SLC45A1: variants seen among roughly 807,000 people sequenced by gnomAD.
SLC45A1 encodes the protein solute carrier family 45 member 1, also known as proton-associated sugar transporter A.
A neutral mutation model predicts 57.6 loss-of-function variants in SLC45A1; 28 were observed. The observed-to-expected ratio is 0.49, with a 90% CI of 0.36 to 0.67. The LOEUF (loss-of-function observed/expected upper bound fraction) is 0.67. Ranked by LOEUF, SLC45A1 falls within the 30% of genes least tolerant of loss-of-function variation. The probability of loss-of-function intolerance (pLI) is 0.00; values close to 1 mark genes in which losing one functional copy is unlikely to be tolerated. For missense variants in SLC45A1, 814 were observed against 1,041.5 expected (o/e 0.78, Z 3.01); for synonymous variants, 459 against 471.5 (o/e 0.97, Z 0.34).
In SLC45A1 at chr1:8,330,789, G is replaced by A; in HGVS notation, c.1296G>A (p.Gly432=). The change falls in exon 5 of 9, where the codon GGG becomes GGA. Residue 432 remains glycine, a synonymous_variant. Transcript: ENST00000471889. This position sits in a 1 kb window ranked among gnomAD's most constrained non-coding sequence, Gnocchi z 8.4. ...REGALTSGCD[G]DILRVGSLDT... ...GTGCCCTGACCTCCGGCTGTGACGG[G>A]GACATTCTGAGGGTGGGCTCCTTGG... is the stretch of plus-strand genomic sequence containing the variant. 6.2e-7 allele frequency: 1 copy of A among 1,613,462 alleles called. No homozygotes were observed. The highest frequency in any genetic ancestry group is 1.6e-4 in the Middle Eastern group (1 of 6,062).
At position 8,335,559 on chromosome 1, in the gene SLC45A1, G is replaced by T. The variant is rs773431596; in HGVS notation, c.1566G>T (p.Ala522=). 3 of 1,606,276 alleles carry T rather than the reference G, an allele frequency of 1.9e-6. No individual in the cohort carries two copies. The highest frequency in any genetic ancestry group is 1.1e-5 in the South Asian group (1 of 90,954). The change falls in exon 6 of 9, where the codon GCG becomes GCT. Residue 522 remains alanine (A), a synonymous_variant. Coordinates refer to ENST00000471889, the MANE Select transcript of SLC45A1 (RefSeq NM_001080397.3). This position sits in a 1 kb window ranked among gnomAD's most constrained non-coding sequence, Gnocchi z 4.1. The stretch of plus-strand genomic sequence containing the variant: ...CCACCATCTGCAACATGCCCAAGGC[G>T]CTACGCACCCTCTGCGTCAACCACT... ...LCSTICNMPK[A]LRTLCVNHFL...
Position 8,325,181 on chromosome 1 carries a change from TTCTTTTGA to T in SLC45A1, c.398-115_398-108del. 1.5e-6 allele frequency: 1 copy of T among 674,676 alleles called. No homozygotes were observed. Among genetic ancestry groups the T allele is most frequent in the Non-Finnish European group, 2.7e-6 (1 of 376,108 alleles). The allele number at this position is 674,676 out of a possible 1,614,324, so 41.8% of individuals were successfully genotyped here. On this transcript the variant is annotated intron_variant, in intron 2 of 8. Coordinates refer to ENST00000471889, the MANE Select transcript of SLC45A1 (RefSeq NM_001080397.3). The surrounding 1 kb of genome is among the most constrained non-coding windows in gnomAD (Gnocchi z 6.3). ...TGTCACTGACTGTTTCATCATCTTA[TTCTTTTGA>T]TGCACTGGGGGTGTTTGAGAGCAGG...
intron 5 of SLC45A1, among the ~76,000 whole-genome samples, chr1:8,334,517 A>G (rs769754612): frequency 2.0e-5 from 3 of 152,188 alleles, no homozygotes; most frequent in African/African-American, 2.4e-5. Flanking sequence ...TCTGGGCAAC[A>G]TAGTGAGACC....
rs143356185 is a variant in SLC45A1 at position 8,325,946 on chromosome 1, G to C, written c.619G>C (p.Ala207Pro). 8.4e-5 allele frequency: 135 copies of C among 1,613,406 alleles called. 1 individual carries two copies. Among genetic ancestry groups the C allele is most frequent in the Non-Finnish European group, 1.1e-4 (129 of 1,180,036 alleles). ...VCGVVLMDFS[A>P]DSADNPSHAY... Reference sequence around the variant, plus strand: ...CGGTGTGGTGCTGATGGACTTTAGCGCCGACTCGGCGGACAACCCCAGCCA... The same window carrying C: ...CGGTGTGGTGCTGATGGACTTTAGCCCCGACTCGGCGGACAACCCCAGCCA... Residue 207 changes from alanine (A) to proline (P), a missense_variant, in exon 4 of 9, where the codon GCC becomes CCC. Transcript: ENST00000471889. The surrounding 1 kb of genome is among the most constrained non-coding windows in gnomAD (Gnocchi z 6.3).
At chr1:8,332,510 GA>G (rs1640446216) in intron 5 of SLC45A1, among the ~76,000 whole-genome samples, 1 of 149,706 alleles carries the variant, frequency 6.7e-6, no homozygotes, top group African/African-American at 2.5e-5. Flanking sequence ...TTCACGGGCT[GA>G]TTTTTTTTTT....
At chr1:8,319,116 A>C (rs1639913487) in intron 1 of SLC45A1, among the ~76,000 whole-genome samples, 1 of 152,290 alleles carries the variant, frequency 6.6e-6, no homozygotes, top group African/African-American at 2.4e-5. Flanking sequence ...CCCCATCTCT[A>C]CTAAAAATAC....
Position 8,343,824 on chromosome 1 carries a change from G to A in SLC45A1, c.2058G>A (p.Leu686=). ...CTCTGCTGAGCTGCCAGTACTTCCT[G>A]GCTCAGATTCTGGTCTCCCTGGTCC... The part of the protein sequence containing the change: ...DISLLSCQYF[L]AQILVSLVLG... Residue 686 remains leucine, a synonymous_variant, in exon 9 of 9, where the codon CTG becomes CTA. Coordinates refer to ENST00000471889, the MANE Select transcript of SLC45A1 (RefSeq NM_001080397.3). The surrounding 1 kb of genome is among the most constrained non-coding windows in gnomAD (Gnocchi z 7.7). 6.2e-7 allele frequency: 1 copy of A among 1,614,194 alleles called. No individual in the cohort carries two copies.
chr1:8,332,035 G>A (rs550744796), intron 5 of SLC45A1, among the ~76,000 whole-genome samples: 131 of 152,208 alleles, frequency 8.6e-4, no homozygotes, highest in African/African-American at 2.9e-3. Flanking sequence ...CTCGTGATCC[G>A]CCTGCCTCTG....
Position 8,327,215 on chromosome 1 carries a change from G to A in SLC45A1, c.715+1173G>A, listed in dbSNP as rs1640232007. The stretch of plus-strand genomic sequence containing the variant: ...CAAATACAGAATCTACAGATAATGA[G>A]GATTGAGTGTGTGTGCATGGACACA... On this transcript the variant is annotated intron_variant, in intron 4 of 8. Transcript: ENST00000471889. This position sits in a 1 kb window ranked among gnomAD's most constrained non-coding sequence, Gnocchi z 4.3. Among the ~76,000 whole-genome samples the A allele has an allele frequency of 6.6e-6, 1 of 151,880 alleles. No homozygotes were observed. The highest frequency in any genetic ancestry group is 1.5e-5 in the Non-Finnish European group (1 of 68,026).
Position 8,339,498 on chromosome 1 carries a change from C to T in SLC45A1, c.1780C>T (p.Leu594=). 1 of 1,614,156 alleles carries T rather than the reference C, an allele frequency of 6.2e-7. No homozygotes were observed. Among genetic ancestry groups the T allele is most frequent in the Non-Finnish European group, 8.5e-7 (1 of 1,180,010 alleles). The change falls in exon 8 of 9, where the codon CTG becomes TTG. Residue 594 remains leucine (L), a synonymous_variant. Coordinates refer to ENST00000471889, the MANE Select transcript of SLC45A1 (RefSeq NM_001080397.3). ...ACCCTCTCTGTGGCCCGCAGCTATCCTGGAGAAGCTGGAGGAGTTCCTCAG... is the reference window on the plus strand; with the variant it reads ...ACCCTCTCTGTGGCCCGCAGCTATCTTGGAGAAGCTGGAGGAGTTCCTCAG... ...AFSAAFYSAI[L]EKLEEFLSVR... is the part of the protein sequence containing the mutation.
intron 1 of SLC45A1, among the ~76,000 whole-genome samples, chr1:8,319,450 T>A (rs1200977454): frequency 6.6e-6 from 1 of 152,196 alleles, no homozygotes; most frequent in Non-Finnish European, 1.5e-5. Flanking sequence ...TTATTAATCA[T>A]TTGCCGCTTA....
In SLC45A1 at chr1:8,343,333, G is replaced by A. The variant is rs79500154; in HGVS notation, c.1981-414G>A. Among the ~76,000 whole-genome samples, 4,388 of 152,280 alleles carry A rather than the reference G, an allele frequency of 0.029. 87 individuals are homozygous for A. Among genetic ancestry groups the A allele is most frequent in the South Asian group, 0.051 (244 of 4,822 alleles). On this transcript the variant is annotated intron_variant, in intron 8 of 8. Coordinates refer to ENST00000471889, the MANE Select transcript of SLC45A1 (RefSeq NM_001080397.3). The surrounding 1 kb of genome is among the most constrained non-coding windows in gnomAD (Gnocchi z 7.7). ...TTGGAGCCTCGGACAGAGGACCAGC[G>A]GCTGTCATGTGCAGAGGACTTTGGG...
rs1184767428 is a variant in SLC45A1, at chr1:8,326,268, T to C, written c.715+226T>C. 6.6e-6 allele frequency among the ~76,000 whole-genome samples: 1 copy of C among 152,180 alleles called. No homozygotes were observed. Among genetic ancestry groups the C allele is most frequent in the Non-Finnish European group, 1.5e-5 (1 of 68,030 alleles). ...ACAATTATAGGTCTATAAATTCAAA[T>C]GTTTATATTCGTGGATTCTCATTGT... On this transcript the variant is annotated intron_variant, in intron 4 of 8. Transcript: ENST00000471889. The surrounding 1 kb of genome is among the most constrained non-coding windows in gnomAD (Gnocchi z 5.5).
intron 4 of SLC45A1, among the ~76,000 whole-genome samples, chr1:8,329,834 C>T (rs10449318): frequency 0.36 from 54,484 of 152,076 alleles, 11,650 homozygotes; most frequent in African/African-American, 0.6. Flanking sequence ...GCCATGGGGT[C>T]GGCCCTGAGC....
At chr1:8,323,543 T>G (rs1569928951) in intron 1 of SLC45A1, among the ~76,000 whole-genome samples, 1 of 152,066 alleles carries the variant, frequency 6.6e-6, no homozygotes, top group East Asian at 1.9e-4. Flanking sequence ...GGGATCTGTT[T>G]CTCAGCTCTC....
Position 8,325,458 on chromosome 1 carries a change from G to C in SLC45A1, c.490+68G>C. 1 of 1,183,214 alleles carries C rather than the reference G, an allele frequency of 8.5e-7. No individual in the cohort carries two copies. 73.3% of individuals were successfully genotyped at this position (1,183,214 alleles called of 1,614,324 possible). A position where few individuals can be genotyped will look rare whatever the true frequency, so the allele number is the denominator to read the frequency against. On this transcript the variant is annotated intron_variant, in intron 3 of 8. Transcript: ENST00000471889. This position sits in a 1 kb window ranked among gnomAD's most constrained non-coding sequence, Gnocchi z 6.3. ...AAAGGCCCCAACTGCTTCCTTTTAG[G>C]AAAATTTTAAAAAATGTTGACCAAA...
intron 1 of SLC45A1, among the ~76,000 whole-genome samples, chr1:8,323,038 A>G (rs1640079667): frequency 6.6e-6 from 1 of 152,222 alleles, no homozygotes; most frequent in African/African-American, 2.4e-5. Context: ...AAAGCAGTGA[A>G]AAACAGTTCG....
At chr1:8,320,731 AC>A (rs536041171) in intron 1 of SLC45A1, among the ~76,000 whole-genome samples, 30 of 108,550 alleles carry the variant, frequency 2.8e-4, no homozygotes, top group African/African-American at 9.1e-4. Flanking sequence ...ACACACACAC[AC>A]ACCTGCCATA....
chr1:8,341,413 T>C (rs1183317737), intron 8 of SLC45A1, among the ~76,000 whole-genome samples: 2 of 150,524 alleles, frequency 1.3e-5, no homozygotes, highest in Admixed American at 6.6e-5. Flanking sequence ...CGGACGCCTA[T>C]AGTCCCAGCT....
Sources: allele counts gnomAD v4.1 joint callset (sites outside exome capture counted in the v4.1 genomes callset), GRCh38; gene constraint gnomAD v4.1.1; non-coding constraint Gnocchi (gnomAD v3.1); transcripts MANE v1.5; gene names NCBI Gene and HGNC (gene_info 2026-07-23, HGNC 2026-07-21).